The following ESYT3 variants were observed in gnomAD, a reference collection of about 807,000 sequenced individuals.
The protein encoded by ESYT3 is extended synaptotagmin 3, also known as extended synaptotagmin-3.
A neutral mutation model predicts 111.5 loss-of-function variants in ESYT3; 101 were observed. That is an observed-to-expected ratio of 0.91 (90% CI 0.77 to 1.07). The LOEUF (loss-of-function observed/expected upper bound fraction) is 1.07. Ranked by LOEUF, ESYT3 falls within the 50% of genes least tolerant of loss-of-function variation. ESYT3 has a pLI of 0.00. For missense variants in ESYT3, 1,097 were observed against 1,109.4 expected (o/e 0.99, Z 0.16); for synonymous variants, 416 against 446.8 (o/e 0.93, Z 0.87).
chr3:138,474,195 TCC>T, intron 19 of ESYT3, 24 bp from the exon 20 acceptor site: 2 of 1,597,100 alleles, frequency 1.3e-6, no homozygotes, highest in African/African-American at 1.4e-5. Flanking sequence ...TTTTTTTTTT[TCC>T]TAATGTCTTT....
At chr3:138,458,049 G>C (rs1464255202) in intron 4 of ESYT3, among the ~76,000 whole-genome samples, 1 of 152,172 alleles carries the variant, frequency 6.6e-6, no homozygotes, top group African/African-American at 2.4e-5. Context: ...CTAGTTCAGG[G>C]GGTTGGGCAA....
intron 16 of ESYT3, 156 bp downstream of exon 16, chr3:138,470,302 T>A: frequency 7.3e-7 from 1 of 1,366,204 alleles, no homozygotes; most frequent in Admixed American, 2.7e-5. Flanking sequence ...CAAGGCCTCA[T>A]CTCCTTAAGG....
At chr3:138,459,912 TG>T in intron 5 of ESYT3, 32 bp from the exon 6 acceptor site, 1 of 1,586,506 alleles carries the variant, frequency 6.3e-7, no homozygotes, top group Non-Finnish European at 8.6e-7. Flanking sequence ...AAAGTAGGCC[TG>T]GGCCCCTCAC....
At chr3:138,448,619 AC>A (rs1409007967) in intron 1 of ESYT3, among the ~76,000 whole-genome samples, 1 of 152,232 alleles carries the variant, frequency 6.6e-6, no homozygotes, top group Non-Finnish European at 1.5e-5. Flanking sequence ...ATCCAGAGTA[AC>A]TTTGAGAATG....
chr3:138,437,008 A>G (rs544751239), intron 1 of ESYT3, among the ~76,000 whole-genome samples: 61 of 152,172 alleles, frequency 4.0e-4, no homozygotes, highest in African/African-American at 1.5e-3. Context: ...TGTTGGGGAT[A>G]CAGACCCCAG....
chr3:138,438,166 C>T (rs1456539692), intron 1 of ESYT3, among the ~76,000 whole-genome samples: 2 of 152,190 alleles, frequency 1.3e-5, no homozygotes, highest in Non-Finnish European at 2.9e-5. Flanking sequence ...CACATGCTGA[C>T]CTTTTAGCAT....
In ESYT3 at chr3:138,467,699, C is replaced by G. The variant is rs1465385158; in HGVS notation, c.1218+90C>G. 5.7e-6 allele frequency: 7 copies of G among 1,234,970 alleles called. No individual in the cohort carries two copies. The African/African-American group carries it at 8.9e-5, about 16-fold the overall frequency. The allele number at this position is 1,234,970 out of a possible 1,614,324, so 76.5% of individuals were successfully genotyped here. ...GCAGCTTGCTTCAGCCCAGCTATTC[C>G]TATGCTGTGGTCCCCCTCTGTGCTA... On this transcript the variant is annotated intron_variant, in intron 11 of 22. Coordinates refer to ENST00000389567, the MANE Select transcript of ESYT3 (RefSeq NM_031913.5).
At chr3:138,473,162 A>C (rs1576468635) in intron 18 of ESYT3, 3 of 1,285,706 alleles carry the variant, frequency 2.3e-6, no homozygotes, top group Non-Finnish European at 3.0e-6. Context: ...ATGTAGAATT[A>C]TGTAATAAAT....
intron 11 of ESYT3, 31 bp from the exon 12 acceptor site, chr3:138,468,074 T>A (rs754385166): frequency 6.2e-7 from 1 of 1,610,732 alleles, no homozygotes; most frequent in South Asian, 1.1e-5. Flanking sequence ...CCCTGGCCCT[T>A]TTCCCTGAGC....
chr3:138,470,991 C>T lies in ESYT3; in HGVS notation c.1705C>T (p.Leu569=), dbSNP rs1429517248. The T allele has an allele frequency of 6.2e-7, 1 of 1,614,170 alleles. No homozygotes were observed. The highest frequency in any genetic ancestry group is 1.1e-5 in the South Asian group (1 of 91,084). The change falls in exon 17 of 23, where the codon CTG becomes TTG. Residue 569 remains leucine (L), a synonymous_variant. Transcript: ENST00000389567. ...EQRFQLDHSG[L]DSLISMRLVL... is the part of the protein sequence containing the mutation. ...GCGCTTTCAGCTGGACCACTCAGGC[C>T]TGGACAGCCTCATCTCCATGAGGCT... is the stretch of plus-strand genomic sequence containing the variant.
At chr3:138,467,880 G>GT (rs933277601) in intron 11 of ESYT3, among the ~76,000 whole-genome samples, 3 of 152,072 alleles carry the variant, frequency 2.0e-5, no homozygotes, top group Admixed American at 6.5e-5. Context: ...CTGGGCCTGG[G>GT]TTTTTTTTAA....
At position 138,464,391 on chromosome 3, in the gene ESYT3, A is replaced by G. The variant is rs772635893; in HGVS notation, c.962A>G (p.Lys321Arg). Residue 321 changes from lysine to arginine, a missense_variant, in exon 9 of 23, where the codon AAG becomes AGG. Physicochemically the swap from Lys to Arg is conservative, Grantham distance 26 (BLOSUM62 2). Coordinates refer to ENST00000389567, the MANE Select transcript of ESYT3 (RefSeq NM_031913.5). ...HLLEAEQLAQ[K>R]DNFLGLRGKS... ...CTGGAGGCAGAGCAGCTGGCCCAGA[A>G]GGACAACTTTCTGGGGCTCCGAGGC... is the stretch of plus-strand genomic sequence containing the variant. The G allele has an allele frequency of 1.2e-6, 2 of 1,614,160 alleles. No homozygotes were observed. Among genetic ancestry groups the G allele is most frequent in the East Asian group, 4.5e-5 (2 of 44,886 alleles).
At chr3:138,465,018 G>T (rs1297736375) in intron 9 of ESYT3, among the ~76,000 whole-genome samples, 1 of 152,220 alleles carries the variant, frequency 6.6e-6, no homozygotes, top group Non-Finnish European at 1.5e-5. Flanking sequence ...CTAAAAGGCA[G>T]CTTGGGGCTT....
intron 5 of ESYT3, among the ~76,000 whole-genome samples, 178 bp downstream of exon 5, chr3:138,459,431 G>T (rs930729053): frequency 6.6e-6 from 1 of 152,194 alleles, no homozygotes; most frequent in African/African-American, 2.4e-5. Context: ...TGGTGGCTGG[G>T]CTTCACCAAC....
chr3:138,463,978 AGTCT>A (rs1427084897), intron 8 of ESYT3, among the ~76,000 whole-genome samples: 1 of 152,164 alleles, frequency 6.6e-6, no homozygotes. Flanking sequence ...CCCTTGTTGG[AGTCT>A]ACATGTAGGA....
rs148782260 is a variant in ESYT3, at chr3:138,454,120, C to T, written c.370-1074C>T. Among the ~76,000 whole-genome samples, 67 of 152,308 alleles carry T rather than the reference C, an allele frequency of 4.4e-4. 1 individual carries two copies. Among genetic ancestry groups the T allele is most frequent in the Admixed American group, 3.8e-3 (58 of 15,302 alleles). ...AAACATTAAAATGCGTGGTGGTGCA[C>T]GCATGTAGTCCCAGCCACCCAGGAG... On this transcript the variant is annotated intron_variant, in intron 2 of 22. Transcript: ENST00000389567.
intron 17 of ESYT3, among the ~76,000 whole-genome samples, chr3:138,472,044 A>C (rs1242082681): frequency 2.0e-5 from 3 of 152,106 alleles, no homozygotes; most frequent in Non-Finnish European, 4.4e-5. Flanking sequence ...GCCTCTTCTA[A>C]CTCCCTGAAT....
Position 138,462,168 on chromosome 3 carries a change from G to T in ESYT3, c.877G>T (p.Gly293Trp), listed in dbSNP as rs2032679956. 1 of 1,614,084 alleles carries T rather than the reference G, an allele frequency of 6.2e-7. No individual in the cohort carries two copies. Among genetic ancestry groups the T allele is most frequent in the Non-Finnish European group, 8.5e-7 (1 of 1,180,036 alleles). ...PNRVTVPVKK[G>W]LDLTNLRFPL... Reference sequence around the variant, plus strand: ...CCGTGTGACTGTGCCTGTGAAGAAGGGGCTGGATCTGACCAACCTGCGCTT... The same window carrying T: ...CCGTGTGACTGTGCCTGTGAAGAAGTGGCTGGATCTGACCAACCTGCGCTT... Residue 293 changes from glycine to tryptophan, a missense_variant, in exon 8 of 23, where the codon GGG (glycine) becomes TGG (tryptophan). Physicochemically the swap from Gly to Trp is radical, Grantham distance 184. Coordinates refer to ENST00000389567, the MANE Select transcript of ESYT3 (RefSeq NM_031913.5).
In ESYT3 at chr3:138,440,048, G is replaced by A. The variant is rs1168623913; in HGVS notation, c.327+4923G>A. ...TTCTCTGAAAATCATGACATTTTAG[G>A]AGATGTTCTATAGAGTCTTCATAGC... On this transcript the variant is annotated intron_variant, in intron 1 of 22. Coordinates refer to ENST00000389567, the MANE Select transcript of ESYT3 (RefSeq NM_031913.5). This position sits in a 1 kb window ranked among gnomAD's most constrained non-coding sequence, Gnocchi z 4.2. Among the ~76,000 whole-genome samples the A allele has an allele frequency of 6.6e-6, 1 of 152,136 alleles. No individual in the cohort carries two copies. Among genetic ancestry groups the A allele is most frequent in the Non-Finnish European group, 1.5e-5 (1 of 68,030 alleles).
Sources: allele counts gnomAD v4.1 joint callset (sites outside exome capture counted in the v4.1 genomes callset), GRCh38; gene constraint gnomAD v4.1.1; non-coding constraint Gnocchi (gnomAD v3.1); transcripts MANE v1.5; gene names NCBI Gene and HGNC (gene_info 2026-07-23, HGNC 2026-07-21).